Variants in ADGRB3 observed in about 807,000 individuals in gnomAD.
ADGRB3 encodes the protein brain-specific angiogenesis inhibitor 3.
Under a neutral mutation model 193.4 loss-of-function variants are expected in ADGRB3, and 37 were observed. The ratio of observed to expected loss-of-function variants is 0.19; its 90% CI spans 0.15 to 0.25. ADGRB3 has a LOEUF of 0.25. Ranked by LOEUF, ADGRB3 falls within the 10% of genes least tolerant of loss-of-function variation. ADGRB3 has a pLI of 1.00. For missense variants in ADGRB3, 1,637 were observed against 1,852.9 expected (o/e 0.88, Z 2.14); for synonymous variants, 690 against 644.2 (o/e 1.07, Z -1.08).
chr6:69,092,430 G>C (rs547386087), intron 17 of ADGRB3, among the ~76,000 whole-genome samples: 14 of 152,144 alleles, frequency 9.2e-5, no homozygotes, highest in African/African-American at 3.1e-4. Flanking sequence ...TAGAAATTGA[G>C]ACTCAAGTTT....
chr6:68,902,994 A>G (rs1766439865), intron 3 of ADGRB3, among the ~76,000 whole-genome samples: 1 of 152,188 alleles, frequency 6.6e-6, no homozygotes, highest in African/African-American at 2.4e-5. Flanking sequence ...GTATGAATTG[A>G]TTACAGGCAT....
intron 26 of ADGRB3, among the ~76,000 whole-genome samples, 200 bp downstream of exon 26, chr6:69,339,704 C>T (rs990475633): frequency 8.5e-5 from 13 of 152,128 alleles, no homozygotes; most frequent in African/African-American, 3.1e-4. Context: ...CAGATTAGAA[C>T]AGATGGGACT....
intron 3 of ADGRB3, among the ~76,000 whole-genome samples, chr6:68,750,624 C>T (rs1766179658): frequency 6.6e-6 from 1 of 152,082 alleles, no homozygotes; most frequent in African/African-American, 2.4e-5. Flanking sequence ...ACTGTTTATT[C>T]TGCAAAGACT....
At chr6:68,841,405 C>T (rs1768156499) in intron 3 of ADGRB3, among the ~76,000 whole-genome samples, 1 of 152,124 alleles carries the variant, frequency 6.6e-6, no homozygotes, top group African/African-American at 2.4e-5. Flanking sequence ...CAGGTACCTT[C>T]TCTGGCCACA....
rs201474169 is a variant in ADGRB3, at chr6:68,971,143, TCTGTGGATTGAAC to T, written c.1526-3618_1526-3606del. On this transcript the variant is annotated intron_variant, in intron 8 of 31. Coordinates refer to ENST00000370598, the MANE Select transcript of ADGRB3 (RefSeq NM_001704.3). ...GCCGTCAGTATTCATGGGTTTCATC[TCTGTGGATTGAAC>T]CAACCACAAATCAAATATTCAGAAA... Among the ~76,000 whole-genome samples, 890 of 152,296 alleles carry T rather than the reference TCTGTGGATTGAAC, an allele frequency of 5.8e-3. 9 individuals are homozygous for T. The highest frequency in any genetic ancestry group is 0.02 in the African/African-American group (825 of 41,562).
At chr6:68,932,090 A>G (rs1192075148) in intron 4 of ADGRB3, among the ~76,000 whole-genome samples, 1 of 152,186 alleles carries the variant, frequency 6.6e-6, no homozygotes, top group African/African-American at 2.4e-5. Context: ...GATTAGAGAC[A>G]TTAAGTCAAG....
At chr6:68,666,213 A>T (rs189909156) in intron 3 of ADGRB3, among the ~76,000 whole-genome samples, 23 of 151,954 alleles carry the variant, frequency 1.5e-4, no homozygotes, top group African/African-American at 5.1e-4. Context: ...TTGAAACTTA[A>T]ATGCTTTCAG....
At chr6:68,980,325 T>A (rs9969097) in intron 10 of ADGRB3, among the ~76,000 whole-genome samples, 9,926 of 151,464 alleles carry the variant, frequency 0.066, 1,055 homozygotes, top group African/African-American at 0.21. Context: ...TTATGGGTAG[T>A]TTATTAGAAC....
chr6:69,165,412 A>G (rs1224269497), intron 17 of ADGRB3, among the ~76,000 whole-genome samples: 3 of 149,908 alleles, frequency 2.0e-5, no homozygotes, highest in South Asian at 2.1e-4. Flanking sequence ...ATCCCCCCCA[A>G]CTTCACTTTA....
intron 20 of ADGRB3, among the ~76,000 whole-genome samples, chr6:69,298,167 A>G (rs1767869982): frequency 6.6e-6 from 1 of 151,932 alleles, no homozygotes; most frequent in African/African-American, 2.4e-5. Flanking sequence ...GGGGAGAGAG[A>G]TTGAACGCAA....
chr6:69,036,676 G>T (rs796926325), intron 13 of ADGRB3, among the ~76,000 whole-genome samples: 7 of 152,252 alleles, frequency 4.6e-5, no homozygotes, highest in African/African-American at 1.7e-4. Flanking sequence ...TAATTTAGCG[G>T]AGACCCATGG....
chr6:69,042,781 G>T (rs928739900), intron 13 of ADGRB3, among the ~76,000 whole-genome samples: 2 of 152,242 alleles, frequency 1.3e-5, no homozygotes, highest in African/African-American at 2.4e-5. Context: ...ATGAGACAAG[G>T]TTCCATTTGT....
At chr6:68,971,581 T>G (rs2150263830) in intron 8 of ADGRB3, among the ~76,000 whole-genome samples, 1 of 152,188 alleles carries the variant, frequency 6.6e-6, no homozygotes, top group Admixed American at 6.5e-5. Context: ...TATACCATTT[T>G]ATATCAGGGA....
In ADGRB3 at chr6:68,730,967, G is replaced by T. The variant is rs546005741; in HGVS notation, c.757+91535G>T. Among the ~76,000 whole-genome samples the T allele has an allele frequency of 3.2e-3, 479 of 151,614 alleles. 4 individuals are homozygous for T. The highest frequency in any genetic ancestry group is 0.011 in the African/African-American group (469 of 41,468). On this transcript the variant is annotated intron_variant, in intron 3 of 31. Coordinates refer to ENST00000370598, the MANE Select transcript of ADGRB3 (RefSeq NM_001704.3). ...GGTTACATTCAGAAATGGAGGAAAA[G>T]AACTTAATTATTCAGAAAGTGAAAG... is the stretch of plus-strand genomic sequence containing the variant.
At chr6:68,905,218 T>A (rs1174007959) in intron 3 of ADGRB3, among the ~76,000 whole-genome samples, 1 of 152,194 alleles carries the variant, frequency 6.6e-6, no homozygotes, top group East Asian at 1.9e-4. Context: ...TGTGGTTTAT[T>A]TGAGTTCTAT....
intron 17 of ADGRB3, among the ~76,000 whole-genome samples, chr6:69,119,871 T>G (rs556570193): frequency 1.3e-5 from 2 of 152,176 alleles, no homozygotes; most frequent in Admixed American, 1.3e-4. Flanking sequence ...AACTTACATT[T>G]TAAGAGAATT....
intron 13 of ADGRB3, among the ~76,000 whole-genome samples, chr6:69,041,845 G>C (rs1562134039): frequency 1.3e-5 from 2 of 152,106 alleles, no homozygotes; most frequent in Non-Finnish European, 2.9e-5. Flanking sequence ...TCCTGCCTTG[G>C]CCTCCCAACA....
chr6:69,292,905 T>C (rs1247037461), intron 20 of ADGRB3, among the ~76,000 whole-genome samples: 1 of 148,958 alleles, frequency 6.7e-6, no homozygotes, highest in East Asian at 2.0e-4. Context: ...GAGTTTGATG[T>C]TCCCCTTCCT....
chr6:68,791,725 C>T (rs1767111114), intron 3 of ADGRB3, among the ~76,000 whole-genome samples: 1 of 152,064 alleles, frequency 6.6e-6, no homozygotes, highest in Non-Finnish European at 1.5e-5. Context: ...AAATATAATC[C>T]ACAAGAGATG....
Sources: allele counts gnomAD v4.1 joint callset (sites outside exome capture counted in the v4.1 genomes callset), GRCh38; gene constraint gnomAD v4.1.1; transcripts MANE v1.5; gene names NCBI Gene and HGNC (gene_info 2026-07-23, HGNC 2026-07-21).